Variants in U2SURP observed in about 807,000 individuals in gnomAD.
The protein encoded by U2SURP is U2 snRNP associated SURP domain containing.
In U2SURP, 9 loss-of-function variants were observed where a neutral mutation model predicts 144.9. The ratio of observed to expected loss-of-function variants is 0.06; its 90% CI spans 0.04 to 0.11. U2SURP has a LOEUF of 0.11. Among genes scored for constraint, U2SURP ranks in the 10% least tolerant of loss-of-function variants. The pLI is 1.00. For synonymous variants in U2SURP, 408 were observed against 396.8 expected (o/e 1.03, Z -0.33); for missense variants, 724 against 1,226.7 (o/e 0.59, Z 6.12).
Position 143,016,888 on chromosome 3 carries a change from T to G in U2SURP, c.483T>G (p.Ser161=). ...DEKRGKIYKP[S]SRFADQKNPP... Reference sequence around the variant, plus strand: ...AAAGAGGTAAAATCTATAAGCCATCTTCAAGATTTGCAGATCAAAAAAATC... The same window carrying G: ...AAAGAGGTAAAATCTATAAGCCATCGTCAAGATTTGCAGATCAAAAAAATC... The change falls in exon 6 of 28, where the codon TCT becomes TCG. Residue 161 remains serine, a synonymous_variant. Coordinates refer to ENST00000473835, the MANE Select transcript of U2SURP (RefSeq NM_001080415.2). 1 of 1,590,914 alleles carries G rather than the reference T, an allele frequency of 6.3e-7. No homozygotes were observed. The highest frequency in any genetic ancestry group is 1.2e-5 in the South Asian group (1 of 86,824).
At chr3:143,003,970 G>A (rs1323113166) in intron 1 of U2SURP, among the ~76,000 whole-genome samples, 1 of 152,180 alleles carries the variant, frequency 6.6e-6, no homozygotes, top group Non-Finnish European at 1.5e-5. Context: ...GATTACAGGC[G>A]TGAGCCACCG....
Position 143,016,277 on chromosome 3 carries a change from T to A in U2SURP, c.342T>A (p.Ala114=), listed in dbSNP as rs556060566. ...TTTAGGAGGATGAAAAGGCAGCTGC[T>A]GAGATTTATGAGGAGTTTCTTGCTG... The part of the protein sequence containing the change: ...LKKKEDEKAA[A]EIYEEFLAAF... Residue 114 remains alanine, a synonymous_variant, in exon 5 of 28, where the codon GCT becomes GCA. Coordinates refer to ENST00000473835, the MANE Select transcript of U2SURP (RefSeq NM_001080415.2). 6.2e-7 allele frequency: 1 copy of A among 1,612,462 alleles called. No homozygotes were observed. Among genetic ancestry groups the A allele is most frequent in the South Asian group, 1.1e-5 (1 of 91,030 alleles).
chr3:143,056,571 T>G lies in U2SURP; in HGVS notation c.*121T>G. ...GCATTCCTGGGGTTTTTTGTTTGTT[T>G]GTGTATGCATGTGTAAACTCATGAG... On this transcript the variant is annotated 3_prime_UTR_variant, in exon 28 of 28. Coordinates refer to ENST00000473835, the MANE Select transcript of U2SURP (RefSeq NM_001080415.2). The G allele has an allele frequency of 8.8e-7, 1 of 1,134,816 alleles. No individual in the cohort carries two copies. 70.3% of individuals were successfully genotyped at this position (1,134,816 alleles called of 1,614,324 possible).
intron 1 of U2SURP, among the ~76,000 whole-genome samples, chr3:143,004,619 G>C (rs1935741809): frequency 7.1e-6 from 1 of 140,668 alleles, no homozygotes; most frequent in African/African-American, 2.7e-5. Flanking sequence ...GATTATAGGC[G>C]TGAGCCACCG....
intron 1 of U2SURP, among the ~76,000 whole-genome samples, chr3:143,004,628 C>A (rs531183606): frequency 6.8e-6 from 1 of 147,422 alleles, no homozygotes; most frequent in Admixed American, 6.8e-5. Flanking sequence ...CGTGAGCCAC[C>A]GTGCCTGGCT....
chr3:143,038,606 G>T (rs1486047621), intron 22 of U2SURP, among the ~76,000 whole-genome samples: 4 of 151,936 alleles, frequency 2.6e-5, no homozygotes, highest in African/African-American at 4.8e-5. Context: ...GTATCCTAGT[G>T]CTAATAATCT....
intron 11 of U2SURP, 78 bp from the exon 12 acceptor site, chr3:143,022,775 T>G: frequency 6.8e-7 from 1 of 1,460,844 alleles, no homozygotes; most frequent in Non-Finnish European, 9.1e-7. Flanking sequence ...AAAATGAAAA[T>G]TATTTCAACT....
rs540949636 is a variant in U2SURP at position 143,050,166 on chromosome 3, C to T, written c.2545-773C>T. ...TCGGCTCACCGCAACCTCCGCCCAC[C>T]GGGTTCAAGCGATTCTCCTGCCTCA... is the stretch of plus-strand genomic sequence containing the variant. On this transcript the variant is annotated intron_variant, in intron 24 of 27. Transcript: ENST00000473835. 2.1e-3 allele frequency among the ~76,000 whole-genome samples: 321 copies of T among 152,198 alleles called. 3 individuals are homozygous for T. Among genetic ancestry groups the T allele is most frequent in the African/African-American group, 7.3e-3 (304 of 41,524 alleles).
rs1382751148 is a variant in U2SURP, at chr3:143,038,092, T to C, written c.2222-16T>C. The C allele has an allele frequency of 1.9e-6, 3 of 1,583,478 alleles. No individual in the cohort carries two copies. Among genetic ancestry groups the C allele is most frequent in the Non-Finnish European group, 2.6e-6 (3 of 1,166,250 alleles). ...CCACTAGTAGTCAGGGTTAATGGCTTATCTTTCCCTAATAGTGGATGCAAC... is the reference window on the plus strand; with the variant it reads ...CCACTAGTAGTCAGGGTTAATGGCTCATCTTTCCCTAATAGTGGATGCAAC... On this transcript the variant is annotated splice_polypyrimidine_tract_variant and intron_variant, in intron 21 of 27. Coordinates refer to ENST00000473835, the MANE Select transcript of U2SURP (RefSeq NM_001080415.2).
At chr3:143,022,700 T>G in intron 11 of U2SURP, 38 bp downstream of exon 11, 1 of 1,569,510 alleles carries the variant, frequency 6.4e-7, no homozygotes, top group Non-Finnish European at 8.6e-7. Flanking sequence ...ACAATTCAGA[T>G]ATTTCTTTGG....
chr3:143,010,575 A>G (rs1013126200), intron 1 of U2SURP, among the ~76,000 whole-genome samples: 9 of 152,210 alleles, frequency 5.9e-5, no homozygotes, highest in South Asian at 4.1e-4. Flanking sequence ...TGCCTCATAT[A>G]TATCCCACTA....
At chr3:143,055,397 C>T (rs946247592) in intron 27 of U2SURP, among the ~76,000 whole-genome samples, 28 of 152,028 alleles carry the variant, frequency 1.8e-4, no homozygotes, top group African/African-American at 5.8e-4. Context: ...CTTTACTTTT[C>T]GTTCTGTTCT....
intron 24 of U2SURP, among the ~76,000 whole-genome samples, chr3:143,043,668 A>T (rs13088265): frequency 6.6e-6 from 1 of 151,326 alleles, no homozygotes; most frequent in Non-Finnish European, 1.5e-5. Flanking sequence ...CTAATACATG[A>T]CACATAGGAG....
intron 24 of U2SURP, among the ~76,000 whole-genome samples, chr3:143,050,622 G>A (rs368346594): frequency 1.3e-5 from 2 of 152,134 alleles, no homozygotes; most frequent in East Asian, 3.9e-4. Context: ...GGCAGTGTGC[G>A]TGTCTTTAGC....
rs771083363 is a variant in U2SURP, at chr3:143,050,977, G to A, written c.2583G>A (p.Gly861=). The A allele has an allele frequency of 4.3e-6, 7 of 1,612,970 alleles. No individual in the cohort carries two copies. The highest frequency in any genetic ancestry group is 1.6e-4 in the Middle Eastern group (1 of 6,080). The change falls in exon 25 of 28, where the codon GGG becomes GGA. Residue 861 remains glycine (G), a synonymous_variant. Transcript: ENST00000473835. The stretch of plus-strand genomic sequence containing the variant: ...AGTTTCAGGATGAATTGGAATCTGG[G>A]AAAAGACCTAAAAAACCAGGCCAGA... ...VMKFQDELES[G]KRPKKPGQSF...
intron 4 of U2SURP, 134 bp downstream of exon 4, chr3:143,014,543 T>G: frequency 1.9e-6 from 1 of 528,958 alleles, no homozygotes; most frequent in Middle Eastern, 3.5e-4. Flanking sequence ...GAGTCAAGTC[T>G]GTAATACAAC....
chr3:143,001,697 A>G (rs375415414), intron 1 of U2SURP, 24 bp downstream of exon 1: 2 of 1,613,310 alleles, frequency 1.2e-6, no homozygotes, highest in Non-Finnish European at 1.7e-6. Context: ...AAATTTCGTA[A>G]GTCAGCGGAT....
chr3:143,024,368 T>G, intron 13 of U2SURP: 1 of 370,424 alleles, frequency 2.7e-6, no homozygotes, highest in Non-Finnish European at 5.2e-6. Flanking sequence ...TTTGACCCAA[T>G]CTGTTGTTAT....
chr3:143,025,514 C>G (rs1409940896), intron 13 of U2SURP, among the ~76,000 whole-genome samples: 1 of 152,134 alleles, frequency 6.6e-6, no homozygotes, highest in Non-Finnish European at 1.5e-5. Context: ...TTTCCCTTAG[C>G]TTTAATTTGG....
Sources: gnomAD v4.1 joint callset for allele counts (sites outside exome capture counted in the v4.1 genomes callset) on GRCh38, gnomAD v4.1.1 for gene constraint, MANE v1.5 for transcripts, NCBI Gene and HGNC (gene_info 2026-07-23, HGNC 2026-07-21) for gene names.